Variants in PRPF3 observed in about 807,000 individuals in gnomAD.
PRPF3 encodes the protein pre-mRNA processing factor 3, also known as U4/U6 small nuclear ribonucleoprotein Prp3.
PRPF3 carries 3 observed loss-of-function variants against 89.2 expected under a neutral mutation model. The observed-to-expected ratio is 0.03, with a 90% CI of 0.02 to 0.09. The LOEUF is 0.09. PRPF3 is among the 10% of genes least tolerant of loss of function. PRPF3 has a pLI of 1.00. For synonymous variants in PRPF3, 270 were observed against 289.1 expected, an observed-to-expected ratio of 0.93 and a Z score of 0.67; for missense variants, 463 against 828.8, an observed-to-expected ratio of 0.56 and a Z score of 5.42.
intron 14 of PRPF3, among the ~76,000 whole-genome samples, chr1:150,347,275 TACAC>T (rs781861293): frequency 3.1e-4 from 46 of 150,556 alleles, no homozygotes; most frequent in African/African-American, 6.6e-4. Flanking sequence ...TACACATACA[TACAC>T]ACACACACAC....
At position 150,322,243 on chromosome 1, in the gene PRPF3, C is replaced by T. The variant is rs782566432; in HGVS notation, c.-49+651C>T. Among the ~76,000 whole-genome samples, 7 of 152,280 alleles carry T rather than the reference C, an allele frequency of 4.6e-5. No individual in the cohort carries two copies. In the South Asian group the frequency reaches 8.3e-4, roughly 18 times the overall value. The stretch of plus-strand genomic sequence containing the variant: ...TATAAGACCCGTTAAGGTGAGGACT[C>T]TTGTTAGTTTTGCTCACTGTTTTAT... On this transcript the variant is annotated intron_variant, in intron 1 of 15. Transcript: ENST00000324862.
chr1:150,330,215 A>G (rs1162090402), intron 4 of PRPF3: 1 of 148,240 alleles, frequency 6.7e-6, no homozygotes, highest in Non-Finnish European at 1.5e-5. Context: ...TGCCTGGCTG[A>G]TTTTTGTATT....
chr1:150,333,445 T>A (rs1261028740), intron 6 of PRPF3, among the ~76,000 whole-genome samples: 1 of 152,064 alleles, frequency 6.6e-6, no homozygotes, highest in Non-Finnish European at 1.5e-5. Context: ...TGCATGCCTG[T>A]AATCCCAGCT....
intron 2 of PRPF3, 36 bp from the exon 3 acceptor site, chr1:150,325,714 AC>A (rs1655639602): frequency 6.2e-7 from 1 of 1,605,430 alleles, no homozygotes; most frequent in Non-Finnish European, 8.5e-7. Context: ...GTGTACTCTT[AC>A]CTTTCCAACC....
Position 150,328,496 on chromosome 1 carries a change from G to A in PRPF3, c.423+30G>A. The A allele has an allele frequency of 4.4e-6, 7 of 1,577,696 alleles. No individual in the cohort carries two copies. In the South Asian group the frequency reaches 7.7e-5, roughly 17 times the overall value. Reference sequence around the variant, plus strand: ...GTGATTAGGGACTGGAAGCAAAGTGGTTTTGTGAGTTGAAGAAGCAAAAGG... The same window carrying A: ...GTGATTAGGGACTGGAAGCAAAGTGATTTTGTGAGTTGAAGAAGCAAAAGG... On this transcript the variant is annotated intron_variant, in intron 4 of 15. Coordinates refer to ENST00000324862, the MANE Select transcript of PRPF3 (RefSeq NM_004698.4).
intron 15 of PRPF3, among the ~76,000 whole-genome samples, chr1:150,349,534 T>C (rs1211343430): frequency 6.6e-6 from 1 of 152,118 alleles, no homozygotes; most frequent in Non-Finnish European, 1.5e-5. Context: ...CGGGAATGAA[T>C]TGTTGTTGGA....
At chr1:150,332,382 T>C (rs587658442) in intron 4 of PRPF3, among the ~76,000 whole-genome samples, 1 of 152,296 alleles carries the variant, frequency 6.6e-6, no homozygotes, top group South Asian at 2.1e-4. Context: ...TTATCCAAGA[T>C]AACAAAGGCA....
intron 3 of PRPF3, chr1:150,327,941 C>T (rs1212439678): frequency 1.2e-5 from 3 of 247,166 alleles, no homozygotes; most frequent in Non-Finnish European, 2.4e-5. Flanking sequence ...GAATGTGAAA[C>T]AAAAGTTTAA....
At chr1:150,327,475 G>A (rs1655857401) in intron 3 of PRPF3, 3 of 586,636 alleles carry the variant, frequency 5.1e-6, no homozygotes, top group Non-Finnish European at 6.4e-6. Flanking sequence ...GATAGCCTTG[G>A]GATACGGGTC....
intron 5 of PRPF3, 79 bp from the exon 6 acceptor site, chr1:150,332,900 T>G (rs782629741): frequency 1.1e-4 from 159 of 1,487,296 alleles, no homozygotes; most frequent in Non-Finnish European, 1.4e-4. Flanking sequence ...TACCATGATG[T>G]GTGTGTATAT....
chr1:150,325,993 A>T, intron 3 of PRPF3, 112 bp downstream of exon 3: 2 of 1,360,628 alleles, frequency 1.5e-6, no homozygotes, highest in Non-Finnish European at 2.1e-6. Context: ...GCAAATGTTC[A>T]AGAGAGGTAC....
chr1:150,332,952 T>G (rs1553866098), intron 5 of PRPF3, 27 bp from the exon 6 acceptor site: 1 of 1,591,934 alleles, frequency 6.3e-7, no homozygotes, highest in Non-Finnish European at 8.6e-7. Context: ...TCTTAATTCC[T>G]CTGATTTCTT....
chr1:150,335,544 C>T (rs1235450582), intron 7 of PRPF3, among the ~76,000 whole-genome samples: 1 of 152,170 alleles, frequency 6.6e-6, no homozygotes, highest in Admixed American at 6.5e-5. Context: ...CGGCTTGCTG[C>T]AACCTTTGCC....
At chr1:150,325,703 T>C in intron 2 of PRPF3, 48 bp from the exon 3 acceptor site, 1 of 1,599,832 alleles carries the variant, frequency 6.3e-7, no homozygotes, top group Non-Finnish European at 8.5e-7. Context: ...AGTATTAGAC[T>C]GTGTACTCTT....
chr1:150,344,151 CTT>C lies in PRPF3; in HGVS notation c.1427-10_1427-9del, dbSNP rs1553872193. On this transcript the variant is annotated splice_polypyrimidine_tract_variant and intron_variant, in intron 10 of 15. Coordinates refer to ENST00000324862, the MANE Select transcript of PRPF3 (RefSeq NM_004698.4). ...CTTCAAAGACTGATTGTTGTCCTCT[CTT>C]CACTGCAGTGAGAATTTCTAATTTG... The C allele has an allele frequency of 1.2e-6, 2 of 1,610,956 alleles. No homozygotes were observed. Among genetic ancestry groups the C allele is most frequent in the East Asian group, 2.2e-5 (1 of 44,882 alleles).
chr1:150,332,227 A>C (rs1656492476), intron 4 of PRPF3, among the ~76,000 whole-genome samples: 2 of 196 alleles, frequency 0.01, no homozygotes, highest in Non-Finnish European at 0.071. Context: ...CCATCTCAAA[A>C]AAAAAAAAGA....
chr1:150,341,105 C>CAAAAAAA (rs71086503), intron 9 of PRPF3, among the ~76,000 whole-genome samples: 7 of 86,648 alleles, frequency 8.1e-5, no homozygotes, highest in Non-Finnish European at 8.9e-5. Context: ...GACCTTGTCT[C>CAAAAAAA]AAAAAAAAAA....
At chr1:150,347,364 C>T (rs1658396457) in intron 14 of PRPF3, among the ~76,000 whole-genome samples, 1 of 152,016 alleles carries the variant, frequency 6.6e-6, no homozygotes, top group African/African-American at 2.4e-5. Context: ...CATACTCACA[C>T]ATATGCTCTT....
At chr1:150,324,816 G>A in intron 1 of PRPF3, 79 bp from the exon 2 acceptor site, 1 of 1,188,950 alleles carries the variant, frequency 8.4e-7, no homozygotes, top group Non-Finnish European at 1.2e-6. Flanking sequence ...CAAAGTGCTG[G>A]GATTACAGGC....
Sources: allele counts gnomAD v4.1 joint callset (sites outside exome capture counted in the v4.1 genomes callset), GRCh38; gene constraint gnomAD v4.1.1; transcripts MANE v1.5; gene names NCBI Gene and HGNC (gene_info 2026-07-23, HGNC 2026-07-21).